The following UBE2U variants were observed in gnomAD, a reference collection of about 807,000 sequenced individuals.
UBE2U encodes ubiquitin conjugating enzyme E2 U.
In UBE2U, 39 loss-of-function variants were observed where a neutral mutation model predicts 41.2. The observed-to-expected ratio is 0.95, with a 90% confidence interval of 0.73 to 1.24. The LOEUF (loss-of-function observed/expected upper bound fraction) is 1.24, where lower values mean the gene tolerates loss of function less well. Among genes scored for constraint, UBE2U ranks in the 50% most tolerant of loss-of-function variants. The probability of loss-of-function intolerance (pLI) is 0.00; values close to 1 mark genes in which losing one functional copy is unlikely to be tolerated. For synonymous variants in UBE2U, 107 were observed against 117.8 expected, an observed-to-expected ratio of 0.91 and a Z score of 0.60; for missense variants, 336 against 363.1, an observed-to-expected ratio of 0.93 and a Z score of 0.61.
At chr1:64,263,925 C>T (rs705546) in intron 9 of UBE2U, among the ~76,000 whole-genome samples, 83,774 of 152,088 alleles carry the variant, frequency 0.55, 26,476 homozygotes, top group African/African-American at 0.87. Context: ...TGTGTGCAGC[C>T]TCTTGTACTC....
chr1:64,248,281 T>G (rs1644953630), intron 8 of UBE2U, among the ~76,000 whole-genome samples: 1 of 152,068 alleles, frequency 6.6e-6, no homozygotes, highest in Admixed American at 6.6e-5. Flanking sequence ...TTGGCTTAGG[T>G]CCTGCTCAGG....
intron 6 of UBE2U, among the ~76,000 whole-genome samples, chr1:64,231,080 T>C (rs1453856061): frequency 6.6e-6 from 1 of 152,228 alleles, no homozygotes; most frequent in Non-Finnish European, 1.5e-5. Flanking sequence ...TTTTGCTTTG[T>C]ATATTCAAAC....
At position 64,206,843 on chromosome 1, in the gene UBE2U, G is replaced by A. The variant is rs35834004; in HGVS notation, c.228G>A (p.Pro76=). The change falls in exon 3 of 10, where the codon CCG becomes CCA. Residue 76 remains proline, a synonymous_variant. Transcript: ENST00000371077. ...CAGTTGTGAAATTTATAACAATTCC[G>A]TTTCATCCAAATGGTAAGAACTAAA... ...APPVVKFITI[P]FHPNVDPHTG... is the part of the protein sequence containing the mutation. The A allele has an allele frequency of 8.4e-3, 13,332 of 1,590,182 alleles. 931 individuals carry two copies. In the African/African-American group the frequency reaches 0.15, roughly 18 times the overall value.
At chr1:64,220,187 T>C (rs1652340694) in intron 5 of UBE2U, among the ~76,000 whole-genome samples, 1 of 152,096 alleles carries the variant, frequency 6.6e-6, no homozygotes, top group Admixed American at 6.6e-5. Flanking sequence ...AGTGAGAACC[T>C]GGCCATTTCA....
chr1:64,210,823 T>A lies in UBE2U; in HGVS notation c.323T>A (p.Ile108Asn). 1 of 1,604,984 alleles carries A rather than the reference T, an allele frequency of 6.2e-7. No individual in the cohort carries two copies. The highest frequency in any genetic ancestry group is 8.5e-7 in the Non-Finnish European group (1 of 1,174,730). ...KWNTNYTLSS[I>N]LLALQVMLSN... Reference sequence around the variant, plus strand: ...AATACAAACTATACATTGAGCAGCATCTTACTTGCCCTACAGGTAAGAATG... The same window carrying A: ...AATACAAACTATACATTGAGCAGCAACTTACTTGCCCTACAGGTAAGAATG... Residue 108 changes from isoleucine to asparagine, a missense_variant, in exon 4 of 10, where the codon ATC (isoleucine) becomes AAC (asparagine). Transcript: ENST00000371077.
chr1:64,234,538 T>C (rs188934083), intron 7 of UBE2U, among the ~76,000 whole-genome samples: 8 of 152,328 alleles, frequency 5.3e-5, no homozygotes, highest in Admixed American at 2.0e-4. Flanking sequence ...GTACTAAGCT[T>C]AATAAATATC....
At chr1:64,260,951 A>G (rs1216634778) in intron 9 of UBE2U, among the ~76,000 whole-genome samples, 1 of 152,220 alleles carries the variant, frequency 6.6e-6, no homozygotes, top group Non-Finnish European at 1.5e-5. Context: ...TTGATATACA[A>G]TTTGAAATTT....
chr1:64,252,132 C>T (rs182123818), intron 8 of UBE2U, among the ~76,000 whole-genome samples: 40 of 152,228 alleles, frequency 2.6e-4, no homozygotes, highest in Non-Finnish European at 4.4e-4. Flanking sequence ...ACCTGCTTTG[C>T]CAGACTGTGC....
intron 6 of UBE2U, among the ~76,000 whole-genome samples, chr1:64,227,768 G>A (rs893529168): frequency 6.6e-6 from 1 of 151,838 alleles, no homozygotes; most frequent in African/African-American, 2.4e-5. Context: ...TCACACCATT[G>A]CACTCCAGCC....
chr1:64,210,640 G>A lies in UBE2U; in HGVS notation c.242-102G>A, dbSNP rs1569955361. 4 of 721,436 alleles carry A rather than the reference G, an allele frequency of 5.5e-6. No homozygotes were observed. The East Asian group carries it at 9.2e-5, about 17-fold the overall frequency. The allele number at this position is 721,436 out of a possible 1,614,324, so 44.7% of individuals were successfully genotyped here. On this transcript the variant is annotated intron_variant, in intron 3 of 9. Transcript: ENST00000371077. ...AGAGAGAAGAACTAGGAAAAAGGAA[G>A]AGTAAATGCAGATAATTTTTCTGGC...
chr1:64,241,113 G>T lies in UBE2U; in HGVS notation c.596-539G>T, dbSNP rs116431307. On this transcript the variant is annotated intron_variant, in intron 7 of 9. Transcript: ENST00000371077. ...AACAGAATAATACAAAAATTGGATT[G>T]GTTAACATAAGGCACTTCAGTTACT... Among the ~76,000 whole-genome samples the T allele has an allele frequency of 1.8e-3, 269 of 152,278 alleles. 1 individual carries two copies. The highest frequency in any genetic ancestry group is 6.2e-3 in the African/African-American group (259 of 41,554).
chr1:64,218,994 TGG>T (rs1652228285), intron 5 of UBE2U, among the ~76,000 whole-genome samples: 2 of 152,218 alleles, frequency 1.3e-5, no homozygotes, highest in African/African-American at 2.4e-5. Flanking sequence ...GCAGGTGTGC[TGG>T]GATGGCCTTT....
intron 4 of UBE2U, among the ~76,000 whole-genome samples, chr1:64,211,892 T>A (rs1569960326): frequency 6.6e-6 from 1 of 152,352 alleles, no homozygotes; most frequent in African/African-American, 2.4e-5. Context: ...TGAAGATAAA[T>A]AATTACATTT....
intron 7 of UBE2U, 120 bp from the exon 8 acceptor site, chr1:64,241,532 T>G (rs1644834680): frequency 3.0e-6 from 2 of 672,754 alleles, no homozygotes; most frequent in Admixed American, 3.1e-5. Context: ...ACTTGAATTA[T>G]ATAGTGCATG....
intron 5 of UBE2U, among the ~76,000 whole-genome samples, chr1:64,217,156 G>C (rs984651300): frequency 2.0e-5 from 3 of 152,204 alleles, no homozygotes; most frequent in Admixed American, 2.0e-4. Context: ...GACAAGGCCA[G>C]GCTGGCAGTT....
At chr1:64,217,247 T>G (rs561892086) in intron 5 of UBE2U, among the ~76,000 whole-genome samples, 1 of 152,202 alleles carries the variant, frequency 6.6e-6, no homozygotes, top group Non-Finnish European at 1.5e-5. Context: ...TCAGAGATGT[T>G]ATCAAAGAGC....
chr1:64,266,279 A>G (rs1024767582), intron 9 of UBE2U, among the ~76,000 whole-genome samples: 3 of 152,230 alleles, frequency 2.0e-5, no homozygotes, highest in Non-Finnish European at 4.4e-5. Flanking sequence ...TGCATGACAT[A>G]TGAGGCTTTC....
At chr1:64,219,165 C>T (rs1403457184) in intron 5 of UBE2U, among the ~76,000 whole-genome samples, 1 of 152,126 alleles carries the variant, frequency 6.6e-6, no homozygotes, top group South Asian at 2.1e-4. Context: ...AATGTAATTA[C>T]GTTACTGTCA....
intron 9 of UBE2U, among the ~76,000 whole-genome samples, chr1:64,266,559 A>G (rs1473303497): frequency 6.6e-6 from 1 of 152,214 alleles, no homozygotes; most frequent in Non-Finnish European, 1.5e-5. Context: ...GGGAGAATCC[A>G]TTCTGATCAC....
Sources: gnomAD v4.1 joint callset for allele counts (sites outside exome capture counted in the v4.1 genomes callset) on GRCh38, gnomAD v4.1.1 for gene constraint, MANE v1.5 for transcripts, NCBI Gene and HGNC (gene_info 2026-07-23, HGNC 2026-07-21) for gene names.